The following C20orf204 variants were observed in gnomAD, a reference collection of about 807,000 sequenced individuals.
The protein encoded by C20orf204 is chromosome 20 open reading frame 204.
A neutral mutation model predicts 3.6 loss-of-function variants in C20orf204; 6 were observed. The observed-to-expected ratio is 1.68, with a 90% CI of 0.92 to 3.31. The LOEUF is 3.31. C20orf204 is among the 30% of genes most tolerant of loss of function. The pLI is 0.00. For synonymous variants in C20orf204, 80 were observed against 41.4 expected, an observed-to-expected ratio of 1.93 and a Z score of -3.58; for missense variants, 167 against 89.7, an observed-to-expected ratio of 1.86 and a Z score of -3.48.
At position 64,037,814 on chromosome 20, in the gene C20orf204, C is replaced by T. The variant is rs1601539844; in HGVS notation, c.4-113C>T. The T allele has an allele frequency of 9.2e-5, 37 of 403,546 alleles. No individual in the cohort carries two copies. In the East Asian group the frequency reaches 1.3e-3, roughly 14 times the overall value. 25.0% of individuals were successfully genotyped at this position (403,546 alleles called of 1,614,324 possible). ...GTCCATTTCATTCGCTCAGAGATCC[C>T]GTGGGGTGGGGCAGGGGGTGGGGCT... On this transcript the variant is annotated intron_variant, in intron 1 of 3. Transcript: ENST00000636176.
At chr20:64,037,641 T>A in intron 1 of C20orf204, 1 of 330,274 alleles carries the variant, frequency 3.0e-6, no homozygotes, top group Non-Finnish European at 5.5e-6. Flanking sequence ...TCTTCAGGAC[T>A]CAGTGACATC....
chr20:64,038,403 G>A lies in C20orf204; in HGVS notation c.387G>A (p.Val129=). Reference sequence around the variant, plus strand: ...AGAGAGCTGCTTGGACCGTGGCTGTGCGCACCGAGGCGGTGATGCGGCGCC... The same window carrying A: ...AGAGAGCTGCTTGGACCGTGGCTGTACGCACCGAGGCGGTGATGCGGCGCC... ...ALERAAWTVA[V]RTEAVMRRHC... is the part of the protein sequence containing the mutation. Residue 129 remains valine (V), a synonymous_variant, in exon 3 of 4, where the codon GTG becomes GTA. Coordinates refer to ENST00000636176, the MANE Select transcript of C20orf204 (RefSeq NM_001387010.1). 1.3e-6 allele frequency: 1 copy of A among 770,592 alleles called. No individual in the cohort carries two copies. The allele number at this position is 770,592 out of a possible 1,614,324, so 47.7% of individuals were successfully genotyped here. A position where few individuals can be genotyped will look rare whatever the true frequency, so the allele number is the denominator to read the frequency against.
At position 64,038,170 on chromosome 20, in the gene C20orf204, G is replaced by C; in HGVS notation, c.247G>C (p.Gly83Arg). The change falls in exon 2 of 4, where the codon GGA (glycine) becomes CGA (arginine). Residue 83 changes from glycine to arginine, a missense_variant. By Grantham distance (125) the Gly-to-Arg change is moderately radical. Transcript: ENST00000636176. ...LTRPGSSGRR[G>R]RPRASCGAQK... Reference sequence around the variant, plus strand: ...TAGACCCGGGAGCTCGGGACGGCGGGGACGGCCTCGGGCCTCCTGTGGCGC... The same window carrying C: ...TAGACCCGGGAGCTCGGGACGGCGGCGACGGCCTCGGGCCTCCTGTGGCGC... 3 of 591,902 alleles carry C rather than the reference G, an allele frequency of 5.1e-6. No homozygotes were observed. Among genetic ancestry groups the C allele is most frequent in the Non-Finnish European group, 6.1e-6 (2 of 326,344 alleles). The allele number at this position is 591,902 out of a possible 1,614,324, so 36.7% of individuals were successfully genotyped here. A position where few individuals can be genotyped will look rare whatever the true frequency, so the allele number is the denominator to read the frequency against.
Position 64,038,152 on chromosome 20 carries a change from G to T in C20orf204, c.229G>T (p.Gly77Trp), listed in dbSNP as rs1289428662. ...CATACAGAAAAACCTGACTAGACCC[G>T]GGAGCTCGGGACGGCGGGGACGGCC... ...HFIQKNLTRP[G>W]SSGRRGRPRA... The change falls in exon 2 of 4, where the codon GGG (glycine) becomes TGG (tryptophan). Residue 77 changes from glycine (G) to tryptophan (W), a missense_variant. Gly to Trp is a radical substitution (Grantham distance 184). Coordinates refer to ENST00000636176, the MANE Select transcript of C20orf204 (RefSeq NM_001387010.1). 3 of 576,452 alleles carry T rather than the reference G, an allele frequency of 5.2e-6. No homozygotes were observed. Among genetic ancestry groups the T allele is most frequent in the Non-Finnish European group, 9.4e-6 (3 of 317,712 alleles). The allele number at this position is 576,452 out of a possible 1,614,324, so 35.7% of individuals were successfully genotyped here.
Position 64,038,367 on chromosome 20 carries a change from C to T in C20orf204, c.351C>T (p.Arg117=). 1 of 766,524 alleles carries T rather than the reference C, an allele frequency of 1.3e-6. No individual in the cohort carries two copies. Among genetic ancestry groups the T allele is most frequent in the Non-Finnish European group, 2.4e-6 (1 of 412,926 alleles). The allele number at this position is 766,524 out of a possible 1,614,324, so 47.5% of individuals were successfully genotyped here. A position where few individuals can be genotyped will look rare whatever the true frequency, so the allele number is the denominator to read the frequency against. The change falls in exon 3 of 4, where the codon CGC becomes CGT. Residue 117 remains arginine, a synonymous_variant. Transcript: ENST00000636176. ...TLRGAVAGGR[R]GALERAAWTV... is the part of the protein sequence containing the mutation. ...GCGGGGCGGTGGCCGGGGGCCGCCG[C>T]GGGGCCCTGGAGAGAGCTGCTTGGA...
At chr20:64,034,670 A>G (rs1285234119), upstream of C20orf204, 1 of 152,390 alleles carries the variant, frequency 6.6e-6, no homozygotes, top group African/African-American at 2.4e-5. Context: ...AGCCCTCAAC[A>G]TTTATTCTGA....
At chr20:64,035,209 T>G (rs976157241), upstream of C20orf204, 7 of 152,324 alleles carry the variant, frequency 4.6e-5, no homozygotes, top group Admixed American at 2.0e-4. Flanking sequence ...AAAGAGTGCA[T>G]TTACACAAGG....
At position 64,038,715 on chromosome 20, in the gene C20orf204, G is replaced by T; in HGVS notation, c.526G>T (p.Glu176Ter). The change falls in exon 4 of 4, where the codon GAG (glutamate) becomes TAG (stop). Residue 176 changes from glutamate to a stop codon, truncating the protein, a stop_gained. Coordinates refer to ENST00000636176, the MANE Select transcript of C20orf204 (RefSeq NM_001387010.1). LOFTEE classifies it high-confidence loss of function. Reference sequence around the variant, plus strand: ...CCTGGACGCCGTCGCCACCTGCTGGGAGAAGCTCTTCGCGCTGCGCGCCCC... The same window carrying T: ...CCTGGACGCCGTCGCCACCTGCTGGTAGAAGCTCTTCGCGCTGCGCGCCCC... ...RALDAVATCWEKLFALRAPAS... is the reference protein window; with the variant it reads ...RALDAVATCW 1 of 683,660 alleles carries T rather than the reference G, an allele frequency of 1.5e-6. No individual in the cohort carries two copies. The allele number at this position is 683,660 out of a possible 1,614,324, so 42.3% of individuals were successfully genotyped here.
intron 1 of C20orf204, 52 bp from the exon 2 acceptor site, chr20:64,037,875 C>A: frequency 2.5e-6 from 1 of 407,962 alleles, no homozygotes; most frequent in Non-Finnish European, 4.3e-6. Flanking sequence ...CTGGCTGCTC[C>A]CTGTGCTGGG....
At chr20:64,038,512 C>T (rs1325516642) in intron 3 of C20orf204, 64 bp downstream of exon 3, 11 of 613,608 alleles carry the variant, frequency 1.8e-5, no homozygotes, top group East Asian at 9.3e-5. Flanking sequence ...CGCCGCGCGT[C>T]CCGGGGCTCC....
Position 64,038,722 on chromosome 20 carries a change from T to G in C20orf204, c.533T>G (p.Leu178Arg). The G allele has an allele frequency of 1.5e-6, 1 of 686,918 alleles. No individual in the cohort carries two copies. Among genetic ancestry groups the G allele is most frequent in the Non-Finnish European group, 2.7e-6 (1 of 374,886 alleles). The allele number at this position is 686,918 out of a possible 1,614,324, so 42.6% of individuals were successfully genotyped here. A position where few individuals can be genotyped will look rare whatever the true frequency, so the allele number is the denominator to read the frequency against. Residue 178 changes from leucine (L) to arginine (R), a missense_variant, in exon 4 of 4, where the codon CTC becomes CGC. Transcript: ENST00000636176. ...GCCGTCGCCACCTGCTGGGAGAAGCTCTTCGCGCTGCGCGCCCCGGCCTCC... is the reference window on the plus strand; with the variant it reads ...GCCGTCGCCACCTGCTGGGAGAAGCGCTTCGCGCTGCGCGCCCCGGCCTCC... ...LDAVATCWEK[L>R]FALRAPASRD...
In C20orf204 at chr20:64,038,289, T is replaced by G; in HGVS notation, c.280-7T>G. 1 of 517,492 alleles carries G rather than the reference T, an allele frequency of 1.9e-6. No individual in the cohort carries two copies. The highest frequency in any genetic ancestry group is 3.9e-6 in the Non-Finnish European group (1 of 258,786). 32.1% of individuals were successfully genotyped at this position (517,492 alleles called of 1,614,324 possible). A position where few individuals can be genotyped will look rare whatever the true frequency, so the allele number is the denominator to read the frequency against. ...CCCCACCCCGCCTTCCTCCCTTCCC[T>G]CCCCAGGAGCACAGTATCCTCCTGT... On this transcript the variant is annotated splice_region_variant and splice_polypyrimidine_tract_variant and intron_variant, in intron 2 of 3. Coordinates refer to ENST00000636176, the MANE Select transcript of C20orf204 (RefSeq NM_001387010.1).
chr20:64,038,440 C>A lies in C20orf204; in HGVS notation c.424C>A (p.Leu142Met), dbSNP rs1032128706. Residue 142 changes from leucine to methionine, a missense_variant, in exon 3 of 4, where the codon CTG becomes ATG. Physicochemically the swap from Leu to Met is conservative, Grantham distance 15. Coordinates refer to ENST00000636176, the MANE Select transcript of C20orf204 (RefSeq NM_001387010.1). Reference protein sequence around the residue: ...EAVMRRHCRTLRQRSRRPKMR... With the variant: ...EAVMRRHCRTMRQRSRRPKMR... The stretch of plus-strand genomic sequence containing the variant: ...GGTGATGCGGCGCCACTGCAGGACG[C>A]TGCGCCAGGTGTGCGTCCCTGAGTG... 2.6e-6 allele frequency: 2 copies of A among 763,290 alleles called. No individual in the cohort carries two copies. Among genetic ancestry groups the A allele is most frequent in the Non-Finnish European group, 2.4e-6 (1 of 411,716 alleles). 47.3% of individuals were successfully genotyped at this position (763,290 alleles called of 1,614,324 possible).
chr20:64,038,998 G>T lies in C20orf204; in HGVS notation c.*239G>T. ...TAAACGGAGCTGGCGCTGCGGGTCC[G>T]GCACTCCCTTCGCCTGCCTCTCTGT... On this transcript the variant is annotated 3_prime_UTR_variant, in exon 4 of 4. Coordinates refer to ENST00000636176, the MANE Select transcript of C20orf204 (RefSeq NM_001387010.1). 1.4e-6 allele frequency: 1 copy of T among 693,340 alleles called. No individual in the cohort carries two copies. 42.9% of individuals were successfully genotyped at this position (693,340 alleles called of 1,614,324 possible). A position where few individuals can be genotyped will look rare whatever the true frequency, so the allele number is the denominator to read the frequency against.
chr20:64,038,615 C>G lies in C20orf204; in HGVS notation c.433-7C>G. On this transcript the variant is annotated splice_polypyrimidine_tract_variant and splice_region_variant and intron_variant, in intron 3 of 3. Transcript: ENST00000636176. ...TGCGCATTCGCTGACCGCCCTGTCCCCGACAGCGGAGCCGGCGGCCCAAGA... is the reference window on the plus strand; with the variant it reads ...TGCGCATTCGCTGACCGCCCTGTCCGCGACAGCGGAGCCGGCGGCCCAAGA... 1 of 567,338 alleles carries G rather than the reference C, an allele frequency of 1.8e-6. No individual in the cohort carries two copies. The highest frequency in any genetic ancestry group is 2.0e-5 in the African/African-American group (1 of 50,352). 35.1% of individuals were successfully genotyped at this position (567,338 alleles called of 1,614,324 possible).
At chr20:64,035,113 T>C (rs1448656243), upstream of C20orf204, 1 of 152,260 alleles carries the variant, frequency 6.6e-6, no homozygotes, top group Non-Finnish European at 1.5e-5. Flanking sequence ...ATGCTTTGAG[T>C]TGGCCAAACC....
upstream of C20orf204, chr20:64,034,813 G>A (rs933873734): frequency 1.9e-5 from 3 of 153,992 alleles, no homozygotes; most frequent in Admixed American, 6.5e-5. Context: ...GGCCCAGGAA[G>A]TTTGTGAGCC....
chr20:64,038,485 C>T, intron 3 of C20orf204, 37 bp downstream of exon 3: 1 of 687,512 alleles, frequency 1.5e-6, no homozygotes, highest in South Asian at 1.6e-5. Context: ...CCAGACCTCC[C>T]TTAACCCCCA....
At position 64,038,836 on chromosome 20, in the gene C20orf204, T is replaced by C. The variant is rs1485182717; in HGVS notation, c.*77T>C. The C allele has an allele frequency of 1.4e-6, 1 of 716,592 alleles. No individual in the cohort carries two copies. Among genetic ancestry groups the C allele is most frequent in the Non-Finnish European group, 2.6e-6 (1 of 386,000 alleles). The allele number at this position is 716,592 out of a possible 1,614,324, so 44.4% of individuals were successfully genotyped here. On this transcript the variant is annotated 3_prime_UTR_variant, in exon 4 of 4. Coordinates refer to ENST00000636176, the MANE Select transcript of C20orf204 (RefSeq NM_001387010.1). ...GAGCCTGGAGACGCGCCTCGTTCTG[T>C]AGACTTGTTGGTGACCTCGGCCCCT...
Sources: gnomAD v4.1 joint callset for allele counts on GRCh38, gnomAD v4.1.1 for gene constraint, MANE v1.5 for transcripts, NCBI Gene and HGNC (gene_info 2026-07-23, HGNC 2026-07-21) for gene names.